SMARCC2: variants seen among roughly 807,000 people sequenced by gnomAD.
SMARCC2 encodes SWI/SNF complex subunit SMARCC2.
SMARCC2 carries 15 observed loss-of-function variants against 151.3 expected under a neutral mutation model. The ratio of observed to expected loss-of-function variants is 0.10; its 90% CI spans 0.07 to 0.15. SMARCC2 has a LOEUF of 0.15. SMARCC2 is among the 10% of genes least tolerant of loss of function. SMARCC2 has a pLI of 1.00. For missense variants in SMARCC2, 1,031 were observed against 1,599.7 expected (o/e 0.64, Z 6.06); for synonymous variants, 590 against 609.5 (o/e 0.97, Z 0.47).
chr12:56,170,105 T>A (rs185039037), intron 23 of SMARCC2, 39 bp downstream of exon 23: 261 of 1,574,450 alleles, frequency 1.7e-4, no homozygotes, highest in Admixed American at 7.7e-4. Flanking sequence ...ACCACAGTGC[T>A]GCACGCAGCC....
rs1876234243 is a variant in SMARCC2 at position 56,181,666 on chromosome 12, G to C, written c.840+38C>G. The C allele has an allele frequency of 1.9e-6, 3 of 1,613,944 alleles. No homozygotes were observed. In the African/African-American group the frequency reaches 4.0e-5, roughly 22 times the overall value. ...ACTGAAGATTTGTTCTGAGACTTAT[G>C]CTAAGGGCGCCAGGAAAAAAAGAAC... On this transcript the variant is annotated intron_variant, in intron 9 of 28. Coordinates refer to ENST00000550164, the MANE Select transcript of SMARCC2 (RefSeq NM_001330288.2).
Position 56,163,327 on chromosome 12 carries a change from C to CTTT in SMARCC2, c.*359_*361dup, listed in dbSNP as rs35695803. Reference sequence around the variant, plus strand: ...CTCCAATGTGGCTTTTTAAAATCTACTTTTTTTTTTTTTTTTTAATCCATA... The same window carrying CTTT: ...CTCCAATGTGGCTTTTTAAAATCTACTTTTTTTTTTTTTTTTTTTTAATCCATA... On this transcript the variant is annotated 3_prime_UTR_variant, in exon 29 of 29. Coordinates refer to ENST00000550164, the MANE Select transcript of SMARCC2 (RefSeq NM_001330288.2). 7.2e-6 allele frequency: 1 copy of CTTT among 139,496 alleles called. No homozygotes were observed. The highest frequency in any genetic ancestry group is 1.5e-5 in the Non-Finnish European group (1 of 64,676). The allele number at this position is 139,496 out of a possible 1,614,324, so 8.6% of individuals were successfully genotyped here.
chr12:56,180,341 C>T (rs1003476137), intron 11 of SMARCC2, among the ~76,000 whole-genome samples: 4 of 151,578 alleles, frequency 2.6e-5, no homozygotes, highest in Non-Finnish European at 4.4e-5. Context: ...GATCTCCTGA[C>T]CTCGTGATCC....
intron 6 of SMARCC2, 22 bp downstream of exon 6, chr12:56,184,153 G>T: frequency 6.3e-7 from 1 of 1,589,030 alleles, no homozygotes; most frequent in Non-Finnish European, 8.6e-7. Flanking sequence ...CACTCAAGTG[G>T]ACAGGAAAAC....
At chr12:56,174,563 G>A in intron 16 of SMARCC2, 88 bp downstream of exon 16, 1 of 832,126 alleles carries the variant, frequency 1.2e-6, no homozygotes, top group Non-Finnish European at 2.1e-6. Flanking sequence ...GCTCCTCTGT[G>A]TTCCTTGCTG....
chr12:56,186,461 C>G, intron 2 of SMARCC2: 1 of 509,244 alleles, frequency 2.0e-6, no homozygotes, highest in South Asian at 2.1e-5. Context: ...AGCAATTCTC[C>G]TGTCTCAGCC....
At chr12:56,165,857 C>A (rs1248567810) in intron 26 of SMARCC2, among the ~76,000 whole-genome samples, 158 bp from the exon 27 acceptor site, 1 of 152,214 alleles carries the variant, frequency 6.6e-6, no homozygotes, top group African/African-American at 2.4e-5. Flanking sequence ...TCCTCCCCAC[C>A]CGACTTCGTG....
At position 56,168,141 on chromosome 12, in the gene SMARCC2, C is replaced by T; in HGVS notation, c.2769G>A (p.Val923=). The part of the protein sequence containing the change: ...RKIKSLVALL[V]ETQMKKLEIK... ...TCTCCAACTTTTTCATCTGGGTCTC[C>T]ACCAGCAGGGCCACCAAAGATTTGA... is the stretch of plus-strand genomic sequence containing the variant. The change falls in exon 26 of 29, where the codon GTG becomes GTA. Residue 923 remains valine (V), a synonymous_variant. Coordinates refer to ENST00000550164, the MANE Select transcript of SMARCC2 (RefSeq NM_001330288.2). The T allele has an allele frequency of 6.2e-7, 1 of 1,614,176 alleles. No homozygotes were observed. Among genetic ancestry groups the T allele is most frequent in the Non-Finnish European group, 8.5e-7 (1 of 1,180,022 alleles).
At chr12:56,180,858 A>T in intron 11 of SMARCC2, 119 bp downstream of exon 11, 1 of 1,054,658 alleles carries the variant, frequency 9.5e-7, no homozygotes, top group South Asian at 1.7e-5. Context: ...AGCTAAATTT[A>T]AGGAAAAGAT....
intron 23 of SMARCC2, 108 bp from the exon 24 acceptor site, chr12:56,170,019 G>T (rs930247457): frequency 2.8e-6 from 4 of 1,433,632 alleles, no homozygotes; most frequent in Non-Finnish European, 3.9e-6. Context: ...CTTTGGAGGT[G>T]ATCTGATTCT....
At chr12:56,172,012 A>C in intron 20 of SMARCC2, 75 bp from the exon 21 acceptor site, 1 of 1,422,416 alleles carries the variant, frequency 7.0e-7, no homozygotes, top group Non-Finnish European at 9.6e-7. Context: ...CCATCCTACT[A>C]AGGGCAGCTG....
chr12:56,175,652 A>T (rs1874801043), intron 15 of SMARCC2, among the ~76,000 whole-genome samples: 1 of 152,148 alleles, frequency 6.6e-6, no homozygotes, highest in African/African-American at 2.4e-5. Flanking sequence ...CATGGGCCAG[A>T]TTAAAGGATT....
intron 5 of SMARCC2, chr12:56,184,501 C>G (rs1296313929): frequency 9.0e-6 from 5 of 555,280 alleles, no homozygotes; most frequent in Admixed American, 6.3e-5. Context: ...TTAAAGTCCA[C>G]TGTACATCCT....
Position 56,171,683 on chromosome 12 carries a change from G to A in SMARCC2, c.2181C>T (p.Ala727=). The part of the protein sequence containing the change: ...PRVASAAAKS[A]LEEFSKMKEE... The stretch of plus-strand genomic sequence containing the variant: ...GGAACCACCCACCCCCATTACCTAG[G>A]GCTGACTTTGCAGCAGCAGAGGCGA... The change falls in exon 21 of 29, where the codon GCC becomes GCT. Residue 727 remains alanine (A), a synonymous_variant. Coordinates refer to ENST00000550164, the MANE Select transcript of SMARCC2 (RefSeq NM_001330288.2). This position sits in a 1 kb window ranked among gnomAD's most constrained non-coding sequence, Gnocchi z 4.2. 1 of 1,548,828 alleles carries A rather than the reference G, an allele frequency of 6.5e-7. No individual in the cohort carries two copies.
At chr12:56,165,741 A>T in intron 26 of SMARCC2, 42 bp from the exon 27 acceptor site, 1 of 1,588,212 alleles carries the variant, frequency 6.3e-7, no homozygotes. Context: ...TTTTCAGCAG[A>T]TCCCAAAGGC....
At position 56,168,071 on chromosome 12, in the gene SMARCC2, C is replaced by A; in HGVS notation, c.2839G>T (p.Glu947Ter). 6.2e-7 allele frequency: 1 copy of A among 1,614,076 alleles called. No homozygotes were observed. Among genetic ancestry groups the A allele is most frequent in the Non-Finnish European group, 8.5e-7 (1 of 1,180,024 alleles). Residue 947 changes from glutamate to a stop codon, truncating the protein, a stop_gained, in exon 26 of 29, where the codon GAG becomes TAG. Coordinates refer to ENST00000550164, the MANE Select transcript of SMARCC2 (RefSeq NM_001330288.2). LOFTEE classifies it high-confidence loss of function. ...CTCCTGCTACTCACTGCTTCTCGCT[C>A]CCGGTCCATGATAGTCTCCAGCTCC... is the stretch of plus-strand genomic sequence containing the variant. ...FEELETIMDREREALEYQRQQ... is the reference protein window; with the variant it reads ...FEELETIMDR
intron 10 of SMARCC2, 138 bp from the exon 11 acceptor site, chr12:56,181,239 G>A: frequency 1.2e-6 from 1 of 821,232 alleles, no homozygotes; most frequent in Non-Finnish European, 1.9e-6. Flanking sequence ...TAATCACACA[G>A]TAATGGGAAG....
rs1464111812 is a variant in SMARCC2, at chr12:56,164,429, G to A, written c.3535C>T (p.Pro1179Ser). 1.2e-6 allele frequency: 2 copies of A among 1,614,056 alleles called. No individual in the cohort carries two copies. The highest frequency in any genetic ancestry group is 8.5e-7 in the Non-Finnish European group (1 of 1,180,030). The change falls in exon 28 of 29, where the codon CCG becomes TCG. Residue 1179 changes from proline (P) to serine (S), a missense_variant. Physicochemically the swap from Pro to Ser is moderately conservative, Grantham distance 74. Coordinates refer to ENST00000550164, the MANE Select transcript of SMARCC2 (RefSeq NM_001330288.2). ...SMANPLHPNL[P>S]ATTTMPSSLP... The stretch of plus-strand genomic sequence containing the variant: ...GAAGATGGCATGGTGGTGGTCGCCG[G>A]CAGGTTAGGATGTAGAGGGTTCGCC...
chr12:56,165,616 C>G lies in SMARCC2; in HGVS notation c.2934G>C (p.Arg978=). ...GGTGCATCTGTTGGAAGTGCTGCTG[C>G]CGAGCCCTCATCTCCGCATACTTCA... ...EQLKYAEMRA[R]QQHFQQMHQQ... is the part of the protein sequence containing the mutation. The change falls in exon 27 of 29, where the codon CGG becomes CGC. Residue 978 remains arginine, a synonymous_variant. Transcript: ENST00000550164. 1 of 1,613,720 alleles carries G rather than the reference C, an allele frequency of 6.2e-7. No individual in the cohort carries two copies. Among genetic ancestry groups the G allele is most frequent in the Non-Finnish European group, 8.5e-7 (1 of 1,180,022 alleles).
Sources: allele counts gnomAD v4.1 joint callset (sites outside exome capture counted in the v4.1 genomes callset), GRCh38; gene constraint gnomAD v4.1.1; non-coding constraint Gnocchi (gnomAD v3.1); transcripts MANE v1.5; gene names NCBI Gene and HGNC (gene_info 2026-07-23, HGNC 2026-07-21).